Variants in ZNF385D observed in about 807,000 individuals in gnomAD.
ZNF385D encodes zinc finger protein 659.
A neutral mutation model predicts 35.8 loss-of-function variants in ZNF385D; 15 were observed. That is an observed-to-expected ratio of 0.42 (90% CI 0.28 to 0.64). The LOEUF (loss-of-function observed/expected upper bound fraction) is 0.64. ZNF385D is among the 30% of genes least tolerant of loss of function. ZNF385D has a pLI of 0.23. For missense variants in ZNF385D, 474 were observed against 494.6 expected, an observed-to-expected ratio of 0.96 and a Z score of 0.39; for synonymous variants, 212 against 186.8, an observed-to-expected ratio of 1.13 and a Z score of -1.10.
chr3:22,208,736 A>C (rs911486282), intron 2 of ZNF385D, among the ~76,000 whole-genome samples: 1 of 151,656 alleles, frequency 6.6e-6, no homozygotes, highest in Non-Finnish European at 1.5e-5. Context: ...AATTTAAAAA[A>C]TAATTATTCA....
intron 3 of ZNF385D, among the ~76,000 whole-genome samples, chr3:22,111,165 T>G (rs1220851005): frequency 5.4e-5 from 5 of 92,158 alleles, no homozygotes; most frequent in South Asian, 3.4e-4. Flanking sequence ...TTTTTTTTTT[T>G]TTTTTTTTTT....
At chr3:22,266,621 G>A (rs1170019043) in intron 2 of ZNF385D, among the ~76,000 whole-genome samples, 1 of 151,858 alleles carries the variant, frequency 6.6e-6, no homozygotes, top group Admixed American at 6.6e-5. Context: ...CCAGTCAAAG[G>A]CTAAATTGAA....
At chr3:22,372,334 C>A (rs991504335) in intron 2 of ZNF385D, 4 of 601,226 alleles carry the variant, frequency 6.7e-6, no homozygotes, top group African/African-American at 4.0e-5. Flanking sequence ...GCCCCCCATG[C>A]GAGCCCCAGC....
At chr3:22,347,815 A>C (rs529122229) in intron 2 of ZNF385D, among the ~76,000 whole-genome samples, 3 of 152,282 alleles carry the variant, frequency 2.0e-5, no homozygotes, top group Middle Eastern at 3.4e-3. Context: ...TCCAAAAAAA[A>C]CCTTCAATTT....
At position 21,538,884 on chromosome 3, in the gene ZNF385D, A is replaced by G. The variant is rs541954202; in HGVS notation, c.276+25690T>C. Among the ~76,000 whole-genome samples the G allele has an allele frequency of 3.2e-4, 49 of 152,272 alleles. 1 individual carries two copies. The South Asian group carries it at 5.2e-3, about 16-fold the overall frequency. On this transcript the variant is annotated intron_variant, in intron 3 of 7. Coordinates refer to ENST00000281523, the MANE Select transcript of ZNF385D (RefSeq NM_024697.3). ...CAGCCAATCTGAGTGTTTTATAAAT[A>G]TACAAATATTGCCACTTATGTTGGG...
Position 22,294,221 on chromosome 3 carries a change from G to A in ZNF385D, c.106+78229C>T, listed in dbSNP as rs570199718. Among the ~76,000 whole-genome samples, 3 of 152,184 alleles carry A rather than the reference G, an allele frequency of 2.0e-5. No individual in the cohort carries two copies. The East Asian group carries it at 5.8e-4, about 29-fold the overall frequency. On this transcript the variant is annotated intron_variant, in intron 2 of 5. Coordinates refer to the ZNF385D transcript ENST00000494108. ...AGGTATAGGAAACAAAACTGTGGCA[G>A]TAAACCCTATAAAATGGCTCTAGTT...
chr3:22,038,000 G>A (rs1003602686), intron 3 of ZNF385D, among the ~76,000 whole-genome samples: 2 of 152,062 alleles, frequency 1.3e-5, no homozygotes, highest in Non-Finnish European at 2.9e-5. Flanking sequence ...TTTAATAAAT[G>A]GTGCTGGGAA....
intron 3 of ZNF385D, among the ~76,000 whole-genome samples, chr3:21,980,855 T>G (rs114942691): frequency 2.0e-5 from 3 of 152,316 alleles, no homozygotes; most frequent in Admixed American, 2.0e-4. Flanking sequence ...CTAAGGATAA[T>G]AGCCTCCAGT....
chr3:22,099,043 T>A (rs185925055), intron 3 of ZNF385D, among the ~76,000 whole-genome samples: 7 of 151,898 alleles, frequency 4.6e-5, no homozygotes, highest in Non-Finnish European at 8.8e-5. Context: ...TGAGGAAAAA[T>A]AGGAAGCAAA....
chr3:21,938,748 CTTCTATGTCCATCT>C (rs976226513), intron 3 of ZNF385D, among the ~76,000 whole-genome samples: 2 of 152,184 alleles, frequency 1.3e-5, no homozygotes, highest in Non-Finnish European at 2.9e-5. Flanking sequence ...ACACCCCCAC[CTTCTATGTCCATCT>C]TTCTATGTGT....
chr3:21,615,088 T>G (rs1258152644), intron 2 of ZNF385D, among the ~76,000 whole-genome samples: 1 of 152,286 alleles, frequency 6.6e-6, no homozygotes, highest in East Asian at 1.9e-4. Flanking sequence ...AAATCTCATG[T>G]TTAAATATGA....
At chr3:22,098,875 A>G (rs1272787052) in intron 3 of ZNF385D, among the ~76,000 whole-genome samples, 3 of 152,060 alleles carry the variant, frequency 2.0e-5, no homozygotes, top group African/African-American at 4.8e-5. Flanking sequence ...AATTAGGCAA[A>G]AGCTCCCTGG....
intron 3 of ZNF385D, among the ~76,000 whole-genome samples, chr3:22,075,731 C>A (rs866296580): frequency 3.7e-4 from 56 of 152,008 alleles, no homozygotes; most frequent in Middle Eastern, 3.4e-3. Context: ...TCTACAAAAA[C>A]CCTCTCACAT....
chr3:22,370,009 G>C (rs949341496), intron 2 of ZNF385D, among the ~76,000 whole-genome samples: 3 of 152,118 alleles, frequency 2.0e-5, no homozygotes, highest in East Asian at 1.9e-4. Flanking sequence ...CGTTACTATA[G>C]ATGAAACACT....
At chr3:21,452,198 C>G (rs1702501828) in intron 4 of ZNF385D, among the ~76,000 whole-genome samples, 1 of 152,024 alleles carries the variant, frequency 6.6e-6, no homozygotes, top group African/African-American at 2.4e-5. Context: ...TTCTAGCCTT[C>G]TGTTTACAAA....
At chr3:21,754,638 C>A (rs978805533), upstream of ZNF385D, among the ~76,000 whole-genome samples, 2 of 151,882 alleles carry the variant, frequency 1.3e-5, no homozygotes, top group African/African-American at 2.4e-5. Flanking sequence ...TTTTAAAATG[C>A]CTTTGTCCCT....
At chr3:21,580,799 A>ATG (rs951290702) in intron 2 of ZNF385D, among the ~76,000 whole-genome samples, 27 of 95,838 alleles carry the variant, frequency 2.8e-4, no homozygotes, top group Admixed American at 9.9e-4. Context: ...GTTTGTGTCT[A>ATG]TGTGTGTGTA....
At chr3:22,178,239 A>G (rs1274833596) in intron 2 of ZNF385D, among the ~76,000 whole-genome samples, 1 of 152,168 alleles carries the variant, frequency 6.6e-6, no homozygotes, top group Non-Finnish European at 1.5e-5. Flanking sequence ...CATCCTCTCC[A>G]GTACCTGTTG....
At chr3:22,169,548 G>C (rs951787777) in intron 2 of ZNF385D, among the ~76,000 whole-genome samples, 10 of 151,940 alleles carry the variant, frequency 6.6e-5, no homozygotes, top group Non-Finnish European at 1.5e-4. Context: ...CTTACATCTG[G>C]ATGGACACAT....
Sources: allele counts gnomAD v4.1 joint callset (sites outside exome capture counted in the v4.1 genomes callset), GRCh38; gene constraint gnomAD v4.1.1; transcripts MANE v1.5; gene names NCBI Gene and HGNC (gene_info 2026-07-23, HGNC 2026-07-21).